Variants in GSG1L observed in about 807,000 individuals in gnomAD.
GSG1L encodes GSG1 like.
GSG1L carries 24 observed loss-of-function variants against 42.1 expected under a neutral mutation model. The observed-to-expected ratio is 0.57, with a 90% CI of 0.41 to 0.80. The LOEUF is 0.80. GSG1L is among the 30% of genes least tolerant of loss of function. The pLI is 0.00. For missense variants in GSG1L, 445 were observed against 472.2 expected, an observed-to-expected ratio of 0.94 and a Z score of 0.53; for synonymous variants, 215 against 203.5, an observed-to-expected ratio of 1.06 and a Z score of -0.48.
intron 1 of GSG1L, among the ~76,000 whole-genome samples, chr16:27,993,807 T>C (rs1429252039): frequency 1.3e-5 from 2 of 152,148 alleles, no homozygotes; most frequent in African/African-American, 4.8e-5. Flanking sequence ...GACTTGCCCA[T>C]ACATGTCCGC....
intron 3 of GSG1L, among the ~76,000 whole-genome samples, chr16:27,857,920 T>C (rs1420430072): frequency 6.6e-6 from 1 of 152,130 alleles, no homozygotes; most frequent in Non-Finnish European, 1.5e-5. Context: ...CAGAGACACC[T>C]GTGACGGGTC....
At chr16:27,808,543 C>G (rs2082994965) in intron 5 of GSG1L, among the ~76,000 whole-genome samples, 1 of 152,070 alleles carries the variant, frequency 6.6e-6, no homozygotes, top group South Asian at 2.1e-4. Flanking sequence ...CTCAGCCTCC[C>G]GAGTAGCTGG....
chr16:28,032,492 G>A (rs2085977063), intron 1 of GSG1L, among the ~76,000 whole-genome samples: 2 of 152,302 alleles, frequency 1.3e-5, no homozygotes, highest in Non-Finnish European at 1.5e-5. Context: ...TGGGGCTGGC[G>A]GCTTCTCCGT....
intron 3 of GSG1L, among the ~76,000 whole-genome samples, chr16:27,862,612 C>T (rs1596564356): frequency 6.6e-6 from 1 of 152,304 alleles, no homozygotes; most frequent in Non-Finnish European, 1.5e-5. Flanking sequence ...CCAGGGCAGG[C>T]AAAATGGCTC....
At chr16:27,888,927 G>GATAGATATAGATACAGAT (rs1555506437) in intron 2 of GSG1L, among the ~76,000 whole-genome samples, 1 of 142,110 alleles carries the variant, frequency 7.0e-6, no homozygotes, top group African/African-American at 2.6e-5. Context: ...CTTGTGCTTA[G>GATAGATATAGATACAGAT]ATAGATATAG....
intron 5 of GSG1L, among the ~76,000 whole-genome samples, chr16:27,819,211 C>T (rs935470315): frequency 2.0e-5 from 3 of 151,404 alleles, no homozygotes; most frequent in Non-Finnish European, 2.9e-5. Flanking sequence ...GATCACGCCA[C>T]TGCACTCCAG....
chr16:27,808,542 C>A (rs999142026), intron 5 of GSG1L, among the ~76,000 whole-genome samples: 1 of 152,046 alleles, frequency 6.6e-6, no homozygotes, highest in African/African-American at 2.4e-5. Flanking sequence ...CCTCAGCCTC[C>A]CGAGTAGCTG....
intron 2 of GSG1L, among the ~76,000 whole-genome samples, chr16:27,938,941 A>G (rs748668535): frequency 6.6e-6 from 1 of 152,132 alleles, no homozygotes; most frequent in African/African-American, 2.4e-5. Flanking sequence ...AACATGAACA[A>G]ACATGGACTG....
intron 2 of GSG1L, among the ~76,000 whole-genome samples, chr16:27,890,764 C>T (rs188431083): frequency 6.6e-6 from 1 of 152,220 alleles, no homozygotes; most frequent in African/African-American, 2.4e-5. Flanking sequence ...GGAGCTCAGA[C>T]AGGTGGGGGG....
chr16:27,827,454 C>A (rs893391268), intron 5 of GSG1L, among the ~76,000 whole-genome samples: 13 of 152,134 alleles, frequency 8.5e-5, no homozygotes, highest in African/African-American at 2.9e-4. Context: ...CAGACCCTGA[C>A]AGCCCAGAAG....
At chr16:27,871,111 C>T (rs527880937) in intron 3 of GSG1L, among the ~76,000 whole-genome samples, 6 of 152,298 alleles carry the variant, frequency 3.9e-5, no homozygotes, top group East Asian at 1.9e-4. Context: ...TTGCTGATTC[C>T]GTGTCCAGCC....
chr16:27,868,120 T>C (rs1184202451), intron 3 of GSG1L, among the ~76,000 whole-genome samples: 1 of 152,250 alleles, frequency 6.6e-6, no homozygotes, highest in African/African-American at 2.4e-5. Context: ...CTCATTTGTA[T>C]GAAAGGCCTG....
chr16:28,010,948 A>G (rs1390168502), intron 1 of GSG1L, among the ~76,000 whole-genome samples: 1 of 152,146 alleles, frequency 6.6e-6, no homozygotes, highest in African/African-American at 2.4e-5. Context: ...AGGGTGGTCA[A>G]GCAGGCCTGG....
chr16:27,801,730 C>T (rs2082884614), intron 6 of GSG1L, among the ~76,000 whole-genome samples: 1 of 152,192 alleles, frequency 6.6e-6, no homozygotes, highest in Non-Finnish European at 1.5e-5. Context: ...ACTGACATCA[C>T]CTAGCGGTCC....
chr16:27,837,089 G>T (rs759188455), intron 4 of GSG1L, among the ~76,000 whole-genome samples: 1 of 152,122 alleles, frequency 6.6e-6, no homozygotes, highest in Non-Finnish European at 1.5e-5. Context: ...AAAGGGAAGA[G>T]GTTTAACTGA....
At chr16:27,920,687 G>A (rs759601602) in intron 2 of GSG1L, among the ~76,000 whole-genome samples, 12 of 152,172 alleles carry the variant, frequency 7.9e-5, no homozygotes, top group South Asian at 2.1e-4. Context: ...CCTCCCAGCC[G>A]GCAGCCTGCA....
intron 2 of GSG1L, among the ~76,000 whole-genome samples, chr16:27,956,563 G>A (rs1408537400): frequency 6.6e-6 from 1 of 152,164 alleles, no homozygotes; most frequent in Non-Finnish European, 1.5e-5. Context: ...CTTGGCCATG[G>A]GACTGGCTGT....
intron 2 of GSG1L, among the ~76,000 whole-genome samples, chr16:27,949,422 GAAA>G (rs1567531764): frequency 6.6e-6 from 1 of 152,202 alleles, no homozygotes; most frequent in South Asian, 2.1e-4. Flanking sequence ...AGCGTGAAAT[GAAA>G]ATGAACAGCC....
intron 1 of GSG1L, among the ~76,000 whole-genome samples, chr16:28,006,598 C>T (rs1388740968): frequency 6.6e-6 from 1 of 152,112 alleles, no homozygotes; most frequent in Non-Finnish European, 1.5e-5. Context: ...CATGAGCCAC[C>T]GCGCCTGCCC....
Sources: allele counts gnomAD v4.1 joint callset (sites outside exome capture counted in the v4.1 genomes callset), GRCh38; gene constraint gnomAD v4.1.1; transcripts MANE v1.5; gene names NCBI Gene and HGNC (gene_info 2026-07-23, HGNC 2026-07-21).